The following CRLF3 variants were observed in gnomAD, a reference collection of about 807,000 sequenced individuals.
CRLF3 encodes cytokine receptor like factor 3.
Under a neutral mutation model 55.0 loss-of-function variants are expected in CRLF3, and 33 were observed. The ratio of observed to expected loss-of-function variants is 0.60; its 90% CI spans 0.46 to 0.80. The LOEUF (loss-of-function observed/expected upper bound fraction) is 0.80. Among genes scored for constraint, CRLF3 ranks in the 30% least tolerant of loss-of-function variants. The pLI is 0.00. For missense variants in CRLF3, 494 were observed against 538.4 expected, an observed-to-expected ratio of 0.92 and a Z score of 0.82; for synonymous variants, 238 against 196.8, an observed-to-expected ratio of 1.21 and a Z score of -1.75.
At chr17:30,808,479 G>A (rs2142266122) in intron 1 of CRLF3, among the ~76,000 whole-genome samples, 1 of 151,588 alleles carries the variant, frequency 6.6e-6, no homozygotes, top group South Asian at 2.1e-4. Context: ...GTAGAGATGG[G>A]GTTTCATCAT....
At chr17:30,807,530 T>TTTTTTG (rs1904449977) in intron 1 of CRLF3, among the ~76,000 whole-genome samples, 1 of 127,196 alleles carries the variant, frequency 7.9e-6, no homozygotes, top group African/African-American at 3.1e-5. Flanking sequence ...TTTTTTTTTT[T>TTTTTTG]TTTTTTTTTT....
chr17:30,824,546 C>T lies in CRLF3; in HGVS notation c.106G>A (p.Gly36Arg). 2 of 1,597,962 alleles carry T rather than the reference C, an allele frequency of 1.3e-6. No individual in the cohort carries two copies. Among genetic ancestry groups the T allele is most frequent in the Non-Finnish European group, 1.7e-6 (2 of 1,177,058 alleles). The change falls in exon 1 of 8, where the codon GGG becomes AGG. Residue 36 changes from glycine (G) to arginine (R), a missense_variant. Coordinates refer to ENST00000324238, the MANE Select transcript of CRLF3 (RefSeq NM_015986.4). ...ACCTGCCTCCGCGCCTCACGCAGCC[C>T]CTCAAGCCGGTGACCCAGCTCCCGC... ...YRRELGHRLE[G>R]LREARRQIKE...
intron 6 of CRLF3, among the ~76,000 whole-genome samples, chr17:30,792,068 G>A (rs573736322): frequency 2.0e-4 from 31 of 151,884 alleles, no homozygotes; most frequent in Non-Finnish European, 3.8e-4. Flanking sequence ...GGTTGGTCTC[G>A]AACTCCCGAC....
intron 1 of CRLF3, 119 bp from the exon 2 acceptor site, chr17:30,804,227 AG>A (rs1356111767): frequency 1.5e-6 from 1 of 675,376 alleles, no homozygotes; most frequent in African/African-American, 1.8e-5. Context: ...AGTAAAAAAA[AG>A]ATTAACTGAA....
At chr17:30,796,034 A>C (rs1015418254) in intron 4 of CRLF3, 126 bp downstream of exon 4, 1 of 536,850 alleles carries the variant, frequency 1.9e-6, no homozygotes, top group African/African-American at 1.9e-5. Context: ...TTAACTGTAA[A>C]GTAAAAGAGA....
intron 7 of CRLF3, 134 bp downstream of exon 7, chr17:30,785,781 TAAAA>T (rs55664579): frequency 7.5e-5 from 32 of 427,642 alleles, no homozygotes; most frequent in Admixed American, 1.3e-4. Context: ...GACTTCATAA[TAAAA>T]AAAAAAAAAA....
At chr17:30,814,275 G>C (rs1305645306) in intron 1 of CRLF3, among the ~76,000 whole-genome samples, 1 of 149,804 alleles carries the variant, frequency 6.7e-6, no homozygotes, top group Non-Finnish European at 1.5e-5. Context: ...AATAATAATA[G>C]TAATAACAAT....
Position 30,793,535 on chromosome 17 carries a change from G to A in CRLF3, c.741C>T (p.Phe247=), listed in dbSNP as rs1178892701. Residue 247 remains phenylalanine, a synonymous_variant, in exon 5 of 8, where the codon TTC becomes TTT. Transcript: ENST00000324238. Reference sequence around the variant, plus strand: ...GGCCATCTCCTCGGGCGCAGACTCTGAACTGGTAATCAACGTTGGGGTCTA... The same window carrying A: ...GGCCATCTCCTCGGGCGCAGACTCTAAACTGGTAATCAACGTTGGGGTCTA... ...LHIDPNVDYQ[F]RVCARGDGRQ... is the part of the protein sequence containing the mutation. 6.2e-7 allele frequency: 1 copy of A among 1,614,028 alleles called. No homozygotes were observed. The highest frequency in any genetic ancestry group is 8.5e-7 in the Non-Finnish European group (1 of 1,180,044).
chr17:30,785,811 C>A, intron 7 of CRLF3, 108 bp downstream of exon 7: 5 of 574,822 alleles, frequency 8.7e-6, no homozygotes, highest in East Asian at 3.2e-5. Context: ...AAGAAAAATA[C>A]CTAAATTTTC....
chr17:30,794,350 T>A (rs187496601), intron 4 of CRLF3, among the ~76,000 whole-genome samples: 1 of 152,292 alleles, frequency 6.6e-6, no homozygotes, highest in East Asian at 1.9e-4. Context: ...GGGTCCTGCA[T>A]ATATTCTGTA....
chr17:30,823,154 G>A (rs1444663400), intron 1 of CRLF3, among the ~76,000 whole-genome samples: 1 of 151,982 alleles, frequency 6.6e-6, no homozygotes, highest in Non-Finnish European at 1.5e-5. Flanking sequence ...ACGAGGTCAG[G>A]AGTTCAAGAT....
intron 1 of CRLF3, among the ~76,000 whole-genome samples, chr17:30,819,851 C>G (rs1261476754): frequency 6.6e-6 from 1 of 152,052 alleles, no homozygotes; most frequent in Non-Finnish European, 1.5e-5. Flanking sequence ...TATCAGCCAC[C>G]AAAGGAAAGA....
At chr17:30,795,233 C>A (rs201081052) in intron 4 of CRLF3, among the ~76,000 whole-genome samples, 1 of 152,136 alleles carries the variant, frequency 6.6e-6, no homozygotes, top group Non-Finnish European at 1.5e-5. Flanking sequence ...GTAATCCCAG[C>A]ACTTTGGGAG....
At position 30,797,833 on chromosome 17, in the gene CRLF3, G is replaced by A. The variant is rs181377307; in HGVS notation, c.338-435C>T. Among the ~76,000 whole-genome samples, 31 of 148,746 alleles carry A rather than the reference G, an allele frequency of 2.1e-4. 1 individual carries two copies. In the South Asian group the frequency reaches 4.9e-3, roughly 23 times the overall value. ...TCTGTCACTCATGCTGGAGCACAGT[G>A]GTAGGATCATAACTCACTGCAGCCT... On this transcript the variant is annotated intron_variant, in intron 2 of 7. Coordinates refer to ENST00000324238, the MANE Select transcript of CRLF3 (RefSeq NM_015986.4).
chr17:30,810,045 C>T (rs958291045), intron 1 of CRLF3: 3 of 152,150 alleles, frequency 2.0e-5, no homozygotes, highest in Admixed American at 2.0e-4. Flanking sequence ...TTTCCTGTCC[C>T]TGTGTAAAGA....
In CRLF3 at chr17:30,793,718, C is replaced by A. The variant is rs558910545; in HGVS notation, c.604-46G>T. 2.0e-5 allele frequency: 28 copies of A among 1,383,218 alleles called. No individual in the cohort carries two copies. In the African/African-American group the frequency reaches 2.6e-4, roughly 13 times the overall value. 85.7% of individuals were successfully genotyped at this position (1,383,218 alleles called of 1,614,324 possible). A position where few individuals can be genotyped will look rare whatever the true frequency, so the allele number is the denominator to read the frequency against. On this transcript the variant is annotated intron_variant, in intron 4 of 7. Transcript: ENST00000324238. ...TTAGGTAAAAAACAGAAAATGACTT[C>A]TCTCAGCATCACTGCTTAAAAATTT...
intron 7 of CRLF3, chr17:30,784,661 G>A: frequency 2.3e-6 from 1 of 439,800 alleles, no homozygotes; most frequent in Non-Finnish European, 4.0e-6. Flanking sequence ...AAACTTGACA[G>A]TGTTACAAAA....
intron 3 of CRLF3, 38 bp downstream of exon 3, chr17:30,797,273 T>C: frequency 7.3e-7 from 1 of 1,378,492 alleles, no homozygotes; most frequent in Non-Finnish European, 1.0e-6. Flanking sequence ...ATAGTTTAAA[T>C]GCTTAAAAGT....
chr17:30,784,665 TA>T (rs1971593832), intron 7 of CRLF3: 1 of 437,338 alleles, frequency 2.3e-6, no homozygotes, highest in Non-Finnish European at 4.1e-6. Context: ...TTGACAGTGT[TA>T]CAAAATTACC....
Sources: allele counts gnomAD v4.1 joint callset (sites outside exome capture counted in the v4.1 genomes callset), GRCh38; gene constraint gnomAD v4.1.1; transcripts MANE v1.5; gene names NCBI Gene and HGNC (gene_info 2026-07-23, HGNC 2026-07-21).